The following RBFOX1 variants were observed in gnomAD, a reference collection of about 807,000 sequenced individuals.
RBFOX1 encodes RNA binding fox-1 homolog 1, also known as RNA binding protein fox-1 homolog 1.
A neutral mutation model predicts 57.7 loss-of-function variants in RBFOX1; 8 were observed. The observed-to-expected ratio is 0.14, with a 90% CI of 0.08 to 0.25. The LOEUF (loss-of-function observed/expected upper bound fraction) is 0.25. RBFOX1 is among the 10% of genes least tolerant of loss of function. The pLI is 1.00. For missense variants in RBFOX1, 611 were observed against 548.5 expected (o/e 1.11, Z -1.14); for synonymous variants, 326 against 222.4 (o/e 1.47, Z -4.15).
intron 5 of RBFOX1, among the ~76,000 whole-genome samples, chr16:7,571,743 G>A (rs1286157007): frequency 1.3e-5 from 2 of 152,124 alleles, no homozygotes; most frequent in Non-Finnish European, 2.9e-5. Flanking sequence ...CACCTCTTGG[G>A]GTTAATGGAC....
chr16:5,590,919 AC>A (rs1005027965), intron 2 of RBFOX1, among the ~76,000 whole-genome samples: 3 of 151,990 alleles, frequency 2.0e-5, no homozygotes, highest in African/African-American at 7.3e-5. Flanking sequence ...TTAAGGTATT[AC>A]CCCAATGCCA....
chr16:7,676,736 C>T (rs750096761), intron 13 of RBFOX1, 38 bp from the exon 14 acceptor site: 91 of 1,577,092 alleles, frequency 5.8e-5, no homozygotes, highest in Admixed American at 1.7e-4. Context: ...CATTGGGCTC[C>T]GCTACATTCC....
chr16:7,709,627 C>A, intron 15 of RBFOX1: 1 of 1,531,302 alleles, frequency 6.5e-7, no homozygotes, highest in Non-Finnish European at 8.7e-7. Flanking sequence ...CATAGTCGCC[C>A]AGGAAAGAAA....
chr16:5,588,164 A>G (rs562609247), intron 2 of RBFOX1, among the ~76,000 whole-genome samples: 1 of 152,298 alleles, frequency 6.6e-6, no homozygotes, highest in African/African-American at 2.4e-5. Flanking sequence ...AAATAAATCC[A>G]TAAAGAAGAA....
At chr16:6,572,011 C>T (rs1289794221) in intron 2 of RBFOX1, among the ~76,000 whole-genome samples, 1 of 152,128 alleles carries the variant, frequency 6.6e-6, no homozygotes, top group Non-Finnish European at 1.5e-5. Context: ...TATACCTTTA[C>T]ATGGCCTGTA....
At chr16:6,999,679 A>C (rs1432202663) in intron 3 of RBFOX1, among the ~76,000 whole-genome samples, 1 of 152,092 alleles carries the variant, frequency 6.6e-6, no homozygotes, top group Non-Finnish European at 1.5e-5. Flanking sequence ...AGCAAATCCA[A>C]AATATACTAT....
chr16:6,863,989 C>CTTT (rs58541296), intron 3 of RBFOX1, among the ~76,000 whole-genome samples: 10 of 125,330 alleles, frequency 8.0e-5, no homozygotes, highest in South Asian at 2.6e-4. Context: ...CTTTATGTTC[C>CTTT]TTTTTTTTTT....
At chr16:6,068,017 C>T (rs564137359) in intron 1 of RBFOX1, among the ~76,000 whole-genome samples, 1 of 152,142 alleles carries the variant, frequency 6.6e-6, no homozygotes, top group African/African-American at 2.4e-5. Flanking sequence ...ATCAATATGA[C>T]CAAGATTTCC....
intron 1 of RBFOX1, among the ~76,000 whole-genome samples, chr16:6,021,658 G>A (rs541406243): frequency 6.6e-6 from 1 of 152,112 alleles, no homozygotes; most frequent in Non-Finnish European, 1.5e-5. Flanking sequence ...ATCATTCCTC[G>A]CGGTAGTGGA....
At chr16:5,363,039 T>C (rs1376709647) in intron 1 of RBFOX1, among the ~76,000 whole-genome samples, 2 of 146,514 alleles carry the variant, frequency 1.4e-5, no homozygotes, top group African/African-American at 5.1e-5. Flanking sequence ...TTCTTTTTTT[T>C]TTTTTTTTTT....
rs574802450 is a variant in RBFOX1, at chr16:5,987,510, C to T, written c.351+120175C>T. Among the ~76,000 whole-genome samples, 7 of 152,236 alleles carry T rather than the reference C, an allele frequency of 4.6e-5. No individual in the cohort carries two copies. In the East Asian group the frequency reaches 1.4e-3, roughly 29 times the overall value. ...AAGCTTTTTATAGTTTTACATTTTACACTTAAGGTTGTGATCTATTCTGTT... is the reference window on the plus strand; with the variant it reads ...AAGCTTTTTATAGTTTTACATTTTATACTTAAGGTTGTGATCTATTCTGTT... On this transcript the variant is annotated intron_variant, in intron 4 of 19. Transcript: ENST00000641259.
chr16:6,185,906 C>G (rs752724061), intron 1 of RBFOX1, among the ~76,000 whole-genome samples: 6 of 152,180 alleles, frequency 3.9e-5, no homozygotes, highest in Admixed American at 1.3e-4. Flanking sequence ...AGCATAGCAA[C>G]AGGGTGTGTT....
Position 7,412,172 on chromosome 16 carries a change from G to A in RBFOX1, c.28-105975G>A, listed in dbSNP as rs78632563. Among the ~76,000 whole-genome samples the A allele has an allele frequency of 5.0e-3, 753 of 152,076 alleles. 7 individuals carry two copies. Among genetic ancestry groups the A allele is most frequent in the Non-Finnish European group, 8.2e-3 (557 of 67,978 alleles). Reference sequence around the variant, plus strand: ...AAATTGGCTGGACACCGTCGCTCACGGCTGTAATCCCAGTACTTTGGAGGA... The same window carrying A: ...AAATTGGCTGGACACCGTCGCTCACAGCTGTAATCCCAGTACTTTGGAGGA... On this transcript the variant is annotated intron_variant, in intron 4 of 15. Coordinates refer to ENST00000550418, the MANE Select transcript of RBFOX1 (RefSeq NM_018723.4).
At chr16:7,529,720 G>C (rs972076223) in intron 5 of RBFOX1, among the ~76,000 whole-genome samples, 1 of 152,072 alleles carries the variant, frequency 6.6e-6, no homozygotes, top group African/African-American at 2.4e-5. Context: ...CTCAAGAGGT[G>C]AATTTAGGCT....
chr16:5,737,170 T>C (rs1597037730), intron 3 of RBFOX1, among the ~76,000 whole-genome samples: 3 of 151,978 alleles, frequency 2.0e-5, no homozygotes, highest in Admixed American at 2.0e-4. Context: ...TTATGTGAGG[T>C]CTGTCGTCAT....
intron 2 of RBFOX1, among the ~76,000 whole-genome samples, chr16:6,598,266 GA>G (rs1398528671): frequency 2.6e-5 from 4 of 151,970 alleles, no homozygotes; most frequent in Non-Finnish European, 1.5e-5. Flanking sequence ...ATATAATTAA[GA>G]CATCCTTTCT....
chr16:7,016,033 A>G (rs948078088), intron 3 of RBFOX1, among the ~76,000 whole-genome samples: 1 of 152,138 alleles, frequency 6.6e-6, no homozygotes, highest in African/African-American at 2.4e-5. Flanking sequence ...GAAAGACTAC[A>G]CTTCCTAGTC....
At chr16:6,608,867 G>T (rs2097990994) in intron 2 of RBFOX1, among the ~76,000 whole-genome samples, 1 of 152,220 alleles carries the variant, frequency 6.6e-6, no homozygotes, top group Non-Finnish European at 1.5e-5. Flanking sequence ...TGCCAGCAGG[G>T]CTGTTTTTTT....
intron 4 of RBFOX1, among the ~76,000 whole-genome samples, chr16:7,298,300 T>G (rs2141897903): frequency 6.7e-6 from 1 of 148,770 alleles, no homozygotes; most frequent in African/African-American, 2.5e-5. Context: ...TTTTTTTTTT[T>G]TTTTTTGAGA....
Sources: allele counts gnomAD v4.1 joint callset (sites outside exome capture counted in the v4.1 genomes callset), GRCh38; gene constraint gnomAD v4.1.1; transcripts MANE v1.5; gene names NCBI Gene and HGNC (gene_info 2026-07-23, HGNC 2026-07-21).